Variants in AP3B1 observed in about 807,000 individuals in gnomAD.
AP3B1 encodes the protein AP-3 complex subunit beta-1.
A neutral mutation model predicts 132.5 loss-of-function variants in AP3B1; 61 were observed. The ratio of observed to expected loss-of-function variants is 0.46; its 90% CI spans 0.37 to 0.57. The LOEUF (loss-of-function observed/expected upper bound fraction) is 0.57, where lower values mean the gene tolerates loss of function less well. Among genes scored for constraint, AP3B1 ranks in the 20% least tolerant of loss-of-function variants. The pLI, the probability that AP3B1 is intolerant of heterozygous loss-of-function variation, is 0.00. For synonymous variants in AP3B1, 388 were observed against 438.3 expected (o/e 0.89, Z 1.43); for missense variants, 1,120 against 1,289.4 (o/e 0.87, Z 2.01).
At chr5:78,152,774 A>T (rs1467921202) in intron 14 of AP3B1, among the ~76,000 whole-genome samples, 1 of 152,112 alleles carries the variant, frequency 6.6e-6, no homozygotes, top group Non-Finnish European at 1.5e-5. Flanking sequence ...AAATTTTTCA[A>T]TGTCCTTCTT....
At position 78,212,134 on chromosome 5, in the gene AP3B1, G is replaced by A. The variant is rs769470494; in HGVS notation, c.786+3921C>T. ...ATCTCTACTAAAAATACAAAAGTTA[G>A]CTGGGTGTGGTGGCACATGTCTGTA... On this transcript the variant is annotated intron_variant, in intron 7 of 26. Transcript: ENST00000255194. Among the ~76,000 whole-genome samples the A allele has an allele frequency of 1.7e-4, 26 of 152,274 alleles. 1 individual carries two copies. Among genetic ancestry groups the A allele is most frequent in the Non-Finnish European group, 1.9e-4 (13 of 68,010 alleles).
chr5:78,250,330 G>C (rs915430373), intron 2 of AP3B1, among the ~76,000 whole-genome samples: 2 of 152,140 alleles, frequency 1.3e-5, no homozygotes, highest in African/African-American at 4.8e-5. Flanking sequence ...CAGAAAAACA[G>C]TGAAGAACTT....
intron 2 of AP3B1, among the ~76,000 whole-genome samples, chr5:78,248,492 CAAAAAAAAAAAAAA>C (rs34983157): frequency 4.2e-5 from 3 of 71,356 alleles, no homozygotes; most frequent in East Asian, 8.2e-4. Flanking sequence ...GACTCTGTCT[CAAAAAAAAAAAAAA>C]AAAAAAAAAA....
chr5:78,294,212 T>C (rs754682408), intron 1 of AP3B1, among the ~76,000 whole-genome samples: 8 of 152,244 alleles, frequency 5.3e-5, no homozygotes, highest in Non-Finnish European at 8.8e-5. Flanking sequence ...CACCAAGTGG[T>C]TTCCTTTTCA....
chr5:78,173,574 C>CT (rs921101566), intron 11 of AP3B1, among the ~76,000 whole-genome samples: 62 of 150,788 alleles, frequency 4.1e-4, no homozygotes, highest in African/African-American at 7.8e-4. Flanking sequence ...GCAACTCCTG[C>CT]TTTTTTTTTG....
intron 21 of AP3B1, among the ~76,000 whole-genome samples, chr5:78,096,795 T>C (rs563220793): frequency 0.011 from 1,658 of 146,780 alleles, 18 homozygotes; most frequent in Non-Finnish European, 0.02. Flanking sequence ...GTCTGGGAAG[T>C]GAGGAGCGTC....
intron 3 of AP3B1, among the ~76,000 whole-genome samples, chr5:78,240,600 G>A (rs1259257385): frequency 6.6e-6 from 1 of 152,114 alleles, no homozygotes; most frequent in Non-Finnish European, 1.5e-5. Flanking sequence ...GGGCCTCTAG[G>A]AACAGGTGAA....
At chr5:78,186,650 A>G (rs1744619424) in intron 7 of AP3B1, among the ~76,000 whole-genome samples, 1 of 152,186 alleles carries the variant, frequency 6.6e-6, no homozygotes, top group Non-Finnish European at 1.5e-5. Context: ...GTGAATCTAA[A>G]TTATCTTTTA....
At position 78,113,750 on chromosome 5, in the gene AP3B1, AC is replaced by A. The variant is rs1344410164; in HGVS notation, c.2249+1del. ...GAAGGAAATTCTGACAAAATAAGTT[AC>A]CTTTTTCCTTTGGCTTTTGAGTTCC... On this transcript the variant is annotated splice_donor_variant, in intron 19 of 26. Transcript: ENST00000255194. LOFTEE classifies it high-confidence loss of function. The A allele has an allele frequency of 1.2e-6, 2 of 1,613,612 alleles. No homozygotes were observed. The highest frequency in any genetic ancestry group is 1.7e-6 in the Non-Finnish European group (2 of 1,180,028).
intron 21 of AP3B1, among the ~76,000 whole-genome samples, chr5:78,093,280 C>T (rs1157788363): frequency 6.6e-6 from 1 of 151,882 alleles, no homozygotes; most frequent in Non-Finnish European, 1.5e-5. Flanking sequence ...ACAGCCTTGA[C>T]CTCCTGGGGC....
intron 2 of AP3B1, among the ~76,000 whole-genome samples, chr5:78,257,148 A>C (rs1037942455): frequency 2.0e-5 from 3 of 152,216 alleles, no homozygotes; most frequent in Non-Finnish European, 2.9e-5. Flanking sequence ...GTTATTCAAC[A>C]TACCACTGGA....
intron 22 of AP3B1, among the ~76,000 whole-genome samples, chr5:78,049,987 C>T (rs1580282890): frequency 6.6e-6 from 1 of 152,302 alleles, no homozygotes; most frequent in South Asian, 2.1e-4. Context: ...GGCCAGGATC[C>T]TTGTTCCATT....
intron 3 of AP3B1, among the ~76,000 whole-genome samples, chr5:78,229,697 C>A (rs1284637811): frequency 3.9e-5 from 6 of 151,902 alleles, no homozygotes; most frequent in African/African-American, 1.5e-4. Flanking sequence ...CAGGATTGTG[C>A]CACTGCACTC....
At chr5:78,245,825 G>C (rs1054764410) in intron 2 of AP3B1, among the ~76,000 whole-genome samples, 1 of 152,200 alleles carries the variant, frequency 6.6e-6, no homozygotes, top group Non-Finnish European at 1.5e-5. Flanking sequence ...TAGGTGGAAA[G>C]CATAGGAGAA....
At chr5:78,142,310 CT>C (rs1561435939) in intron 14 of AP3B1, among the ~76,000 whole-genome samples, 1 of 152,230 alleles carries the variant, frequency 6.6e-6, no homozygotes, top group African/African-American at 2.4e-5. Flanking sequence ...GCATCCTCCC[CT>C]ATTCCAAAAG....
At chr5:78,000,665 G>A (rs762860085), downstream of AP3B1, 3 of 152,146 alleles carry the variant, frequency 2.0e-5, no homozygotes, top group Non-Finnish European at 2.9e-5. Context: ...TACTATGAGA[G>A]CCATTCTTCA....
At chr5:78,258,682 C>A (rs1454748610) in intron 2 of AP3B1, among the ~76,000 whole-genome samples, 1 of 152,102 alleles carries the variant, frequency 6.6e-6, no homozygotes. Flanking sequence ...CCCAGCAATC[C>A]CACTGCTGGG....
chr5:78,238,084 A>G (rs1746958392), intron 3 of AP3B1, among the ~76,000 whole-genome samples: 1 of 152,204 alleles, frequency 6.6e-6, no homozygotes, highest in Non-Finnish European at 1.5e-5. Context: ...CAAGCAAGTG[A>G]AGCTTCATCT....
intron 22 of AP3B1, among the ~76,000 whole-genome samples, chr5:78,087,088 T>C (rs114438593): frequency 0.022 from 3,418 of 152,302 alleles, 47 homozygotes; most frequent in Middle Eastern, 0.037. Context: ...GGTCAAACAG[T>C]TACATATCAT....
Sources: allele counts gnomAD v4.1 joint callset (sites outside exome capture counted in the v4.1 genomes callset), GRCh38; gene constraint gnomAD v4.1.1; transcripts MANE v1.5; gene names NCBI Gene and HGNC (gene_info 2026-07-23, HGNC 2026-07-21).